KIFAP3: variants seen among roughly 807,000 people sequenced by gnomAD.
KIFAP3 encodes kinesin associated protein 3, also known as kinesin-associated protein 3.
In KIFAP3, 68 loss-of-function variants were observed where a neutral mutation model predicts 106.5. The ratio of observed to expected loss-of-function variants is 0.64; its 90% CI spans 0.53 to 0.78. The LOEUF (loss-of-function observed/expected upper bound fraction) is 0.78. Ranked by LOEUF, KIFAP3 falls within the 30% of genes least tolerant of loss-of-function variation. The pLI is 0.00. For missense variants in KIFAP3, 780 were observed against 941.8 expected, an observed-to-expected ratio of 0.83 and a Z score of 2.25; for synonymous variants, 320 against 311.5, an observed-to-expected ratio of 1.03 and a Z score of -0.29.
chr1:170,023,169 C>T (rs1025628541), intron 9 of KIFAP3, among the ~76,000 whole-genome samples: 1 of 151,890 alleles, frequency 6.6e-6, no homozygotes, highest in Non-Finnish European at 1.5e-5. Flanking sequence ...ATATCAGGCA[C>T]ATCATGAACA....
chr1:169,956,411 A>C (rs1378624993), intron 18 of KIFAP3, among the ~76,000 whole-genome samples: 2 of 152,134 alleles, frequency 1.3e-5, no homozygotes, highest in Admixed American at 1.3e-4. Context: ...TATTGTCTTC[A>C]AAGGGAACAA....
At chr1:170,030,847 G>A (rs1669368477) in intron 8 of KIFAP3, among the ~76,000 whole-genome samples, 1 of 151,658 alleles carries the variant, frequency 6.6e-6, no homozygotes, top group African/African-American at 2.4e-5. Context: ...AATTTTGGGA[G>A]TGATGGATAT....
chr1:170,072,724 CA>C (rs1369285509), intron 1 of KIFAP3, among the ~76,000 whole-genome samples: 1 of 151,812 alleles, frequency 6.6e-6, no homozygotes, highest in African/African-American at 2.4e-5. Context: ...TAATCATGGT[CA>C]AAAAACAATA....
At chr1:170,079,270 C>T (rs949512397), upstream of KIFAP3, among the ~76,000 whole-genome samples, 15 of 152,152 alleles carry the variant, frequency 9.9e-5, no homozygotes, top group Non-Finnish European at 1.8e-4. Context: ...CACATGCTGG[C>T]TCCCTTTCCC....
chr1:170,036,718 T>C (rs1178030909), intron 5 of KIFAP3, among the ~76,000 whole-genome samples: 3 of 152,172 alleles, frequency 2.0e-5, no homozygotes, highest in South Asian at 4.1e-4. Flanking sequence ...AGAACTGTTC[T>C]ATAATGTCAT....
At chr1:170,006,343 G>C (rs903110115) in intron 10 of KIFAP3, among the ~76,000 whole-genome samples, 6 of 152,118 alleles carry the variant, frequency 3.9e-5, no homozygotes, top group African/African-American at 1.4e-4. Context: ...GTAAAGAAGT[G>C]AAGTAAAGAA....
At chr1:169,943,358 ATAGT>A (rs1416549079) in intron 19 of KIFAP3, among the ~76,000 whole-genome samples, 1 of 152,150 alleles carries the variant, frequency 6.6e-6, no homozygotes, top group Non-Finnish European at 1.5e-5. Flanking sequence ...CTGTTCATAA[ATAGT>A]TAAATTACAT....
intron 10 of KIFAP3, among the ~76,000 whole-genome samples, chr1:170,001,143 C>A (rs1667648600): frequency 1.3e-5 from 2 of 152,094 alleles, no homozygotes; most frequent in East Asian, 1.9e-4. Context: ...TTTATTATGT[C>A]TTCTGTAGAA....
chr1:169,940,485 A>G (rs558764729), intron 19 of KIFAP3, among the ~76,000 whole-genome samples: 1 of 152,232 alleles, frequency 6.6e-6, no homozygotes, highest in East Asian at 1.9e-4. Context: ...GGGGGAGGAG[A>G]GACGATTTTG....
chr1:169,921,544 C>T lies in KIFAP3; in HGVS notation c.*132G>A. 1.5e-6 allele frequency: 1 copy of T among 660,460 alleles called. No homozygotes were observed. The highest frequency in any genetic ancestry group is 1.9e-5 in the South Asian group (1 of 52,840). The allele number at this position is 660,460 out of a possible 1,614,324, so 40.9% of individuals were successfully genotyped here. On this transcript the variant is annotated 3_prime_UTR_variant, in exon 20 of 20. Transcript: ENST00000361580. ...GGGGCTGGGGTTAATCTGCAGCTAA[C>T]AACATATAAAAATAAAAACAAACAC...
At chr1:170,069,806 A>C (rs910091753) in intron 1 of KIFAP3, among the ~76,000 whole-genome samples, 1 of 150,132 alleles carries the variant, frequency 6.7e-6, no homozygotes, top group African/African-American at 2.5e-5. Flanking sequence ...ATAGTACTGG[A>C]AATTCTAGCC....
intron 10 of KIFAP3, among the ~76,000 whole-genome samples, chr1:169,995,239 C>T (rs895437379): frequency 2.6e-5 from 4 of 152,154 alleles, no homozygotes; most frequent in East Asian, 3.9e-4. Flanking sequence ...TCTCGTGATA[C>T]GTAGGTTAAA....
chr1:170,059,608 T>G (rs1178677727), intron 1 of KIFAP3, among the ~76,000 whole-genome samples: 1 of 152,152 alleles, frequency 6.6e-6, no homozygotes, highest in Non-Finnish European at 1.5e-5. Flanking sequence ...CTGGTACCAT[T>G]CCTTCTGAAA....
chr1:169,973,124 AAC>A (rs1666022560), intron 16 of KIFAP3, among the ~76,000 whole-genome samples: 1 of 48,726 alleles, frequency 2.1e-5, no homozygotes, highest in Admixed American at 2.2e-4. Context: ...TATATATATA[AAC>A]AACACAAATC....
At chr1:169,976,909 G>A (rs1666243860) in intron 16 of KIFAP3, among the ~76,000 whole-genome samples, 1 of 151,986 alleles carries the variant, frequency 6.6e-6, no homozygotes. Flanking sequence ...ATTTTTAGTA[G>A]AGATGAGGCC....
At chr1:170,015,735 T>C (rs1389210653) in intron 10 of KIFAP3, among the ~76,000 whole-genome samples, 1 of 152,162 alleles carries the variant, frequency 6.6e-6, no homozygotes, top group Admixed American at 6.5e-5. Context: ...TGCTGGGAAC[T>C]GGCAGGAGCC....
intron 1 of KIFAP3, among the ~76,000 whole-genome samples, chr1:170,063,384 C>T (rs1007292887): frequency 6.6e-6 from 1 of 152,194 alleles, no homozygotes; most frequent in African/African-American, 2.4e-5. Flanking sequence ...CTGTGATCCC[C>T]ACCCAGGAAC....
chr1:169,941,390 C>T (rs1163262361), intron 19 of KIFAP3, among the ~76,000 whole-genome samples: 2 of 152,122 alleles, frequency 1.3e-5, no homozygotes, highest in Non-Finnish European at 2.9e-5. Flanking sequence ...TTTACTGTCC[C>T]CAATTCAGAA....
At chr1:169,987,889 T>C (rs1184159051) in intron 11 of KIFAP3, among the ~76,000 whole-genome samples, 1 of 152,104 alleles carries the variant, frequency 6.6e-6, no homozygotes, top group South Asian at 2.1e-4. Context: ...TAAATAACAA[T>C]GAACTGTTAA....
Sources: allele counts gnomAD v4.1 joint callset (sites outside exome capture counted in the v4.1 genomes callset), GRCh38; gene constraint gnomAD v4.1.1; transcripts MANE v1.5; gene names NCBI Gene and HGNC (gene_info 2026-07-23, HGNC 2026-07-21).